Variants in IQCM observed in about 807,000 individuals in gnomAD.
IQCM encodes IQ domain-containing protein M.
Under a neutral mutation model 57.6 loss-of-function variants are expected in IQCM, and 45 were observed. That is an observed-to-expected ratio of 0.78 (90% CI 0.62 to 1.00). IQCM has a LOEUF of 1.00. Among genes scored for constraint, IQCM ranks in the 50% least tolerant of loss-of-function variants. The probability of loss-of-function intolerance (pLI) is 0.00; values close to 1 mark genes in which losing one functional copy is unlikely to be tolerated. For missense variants in IQCM, 468 were observed against 511.6 expected, an observed-to-expected ratio of 0.91 and a Z score of 0.82; for synonymous variants, 148 against 158.9, an observed-to-expected ratio of 0.93 and a Z score of 0.51.
chr4:149,773,074 G>A (rs370376144), intron 2 of IQCM, among the ~76,000 whole-genome samples: 24 of 152,158 alleles, frequency 1.6e-4, no homozygotes, highest in Middle Eastern at 3.2e-3. Flanking sequence ...ACTATCGGCC[G>A]GGCGTGGTGG....
intron 12 of IQCM, among the ~76,000 whole-genome samples, chr4:149,539,695 T>C (rs754532686): frequency 2.8e-4 from 43 of 152,108 alleles, no homozygotes; most frequent in South Asian, 1.7e-3. Context: ...ACCCCGTCTC[T>C]ACTAAAAGAA....
At chr4:149,646,358 T>C (rs527668593) in intron 7 of IQCM, among the ~76,000 whole-genome samples, 7 of 151,980 alleles carry the variant, frequency 4.6e-5, no homozygotes, top group Admixed American at 2.6e-4. Flanking sequence ...GAATGCATCA[T>C]GGATTCTTGA....
intron 5 of IQCM, among the ~76,000 whole-genome samples, chr4:149,725,801 C>G (rs929404608): frequency 2.0e-5 from 3 of 152,106 alleles, no homozygotes; most frequent in Non-Finnish European, 4.4e-5. Context: ...ATCTTTCATC[C>G]TTCCTCGAAC....
chr4:149,708,624 G>A (rs1764335936), intron 5 of IQCM, among the ~76,000 whole-genome samples: 1 of 151,960 alleles, frequency 6.6e-6, no homozygotes, highest in Non-Finnish European at 1.5e-5. Context: ...TCATTTTCCA[G>A]TGAGGTAAAC....
intron 7 of IQCM, among the ~76,000 whole-genome samples, chr4:149,624,156 G>GTA (rs2150079267): frequency 6.6e-6 from 1 of 152,106 alleles, no homozygotes; most frequent in Non-Finnish European, 1.5e-5. Context: ...AAGTGTGTGT[G>GTA]TGTGTGTGTG....
At chr4:149,501,977 T>A (rs1053906540) in intron 12 of IQCM, among the ~76,000 whole-genome samples, 2 of 152,146 alleles carry the variant, frequency 1.3e-5, no homozygotes, top group Admixed American at 6.5e-5. Flanking sequence ...CTGCTTGAAC[T>A]TCCTATAACT....
At chr4:149,451,608 G>A (rs1737130020) in intron 12 of IQCM, among the ~76,000 whole-genome samples, 1 of 151,690 alleles carries the variant, frequency 6.6e-6, no homozygotes, top group Admixed American at 6.6e-5. Context: ...GCAATTGATA[G>A]AAAATTAATC....
chr4:149,600,630 A>G (rs1364748660), intron 8 of IQCM, among the ~76,000 whole-genome samples: 2 of 152,154 alleles, frequency 1.3e-5, no homozygotes, highest in Admixed American at 6.5e-5. Flanking sequence ...ACAGCTGCCT[A>G]TCAAAGGCAC....
chr4:149,381,948 A>G (rs900908315), intron 13 of IQCM, among the ~76,000 whole-genome samples: 1 of 151,918 alleles, frequency 6.6e-6, no homozygotes, highest in African/African-American at 2.4e-5. Context: ...CTAATTTTGC[A>G]TTTTTAGTAG....
chr4:149,441,103 G>A (rs904018798), intron 12 of IQCM, among the ~76,000 whole-genome samples: 3 of 152,116 alleles, frequency 2.0e-5, no homozygotes, highest in Non-Finnish European at 4.4e-5. Context: ...CCAAGATAAA[G>A]TATATTTTAA....
At chr4:149,569,714 T>A (rs1488971202) in intron 9 of IQCM, among the ~76,000 whole-genome samples, 1 of 152,080 alleles carries the variant, frequency 6.6e-6, no homozygotes, top group East Asian at 1.9e-4. Flanking sequence ...TCAGTTTAGT[T>A]TAAACTGACA....
chr4:149,398,867 T>C (rs1194196965), intron 13 of IQCM, among the ~76,000 whole-genome samples: 1 of 151,866 alleles, frequency 6.6e-6, no homozygotes, highest in Non-Finnish European at 1.5e-5. Flanking sequence ...TCACCATGCA[T>C]GGCTAGTTTT....
chr4:149,394,091 T>C (rs970332100), intron 13 of IQCM, among the ~76,000 whole-genome samples: 1 of 152,056 alleles, frequency 6.6e-6, no homozygotes, highest in African/African-American at 2.4e-5. Flanking sequence ...AATGCCATAC[T>C]TACTTCAATT....
intron 7 of IQCM, chr4:149,666,214 C>A (rs1189061380): frequency 6.6e-6 from 1 of 152,182 alleles, no homozygotes; most frequent in Non-Finnish European, 1.5e-5. Context: ...GTGATTTTTC[C>A]AACTGAGGTA....
intron 12 of IQCM, among the ~76,000 whole-genome samples, chr4:149,493,870 G>T (rs954122130): frequency 8.1e-6 from 1 of 123,572 alleles, no homozygotes; most frequent in East Asian, 2.3e-4. Context: ...ACAGGGAAAG[G>T]AATCTGGAAA....
intron 5 of IQCM, among the ~76,000 whole-genome samples, chr4:149,687,879 G>A (rs953868359): frequency 2.0e-5 from 3 of 151,886 alleles, no homozygotes; most frequent in Non-Finnish European, 2.9e-5. Flanking sequence ...TGCAGAAAAA[G>A]CATTTGACAA....
intron 8 of IQCM, among the ~76,000 whole-genome samples, chr4:149,589,604 A>C (rs1372216929): frequency 6.6e-6 from 1 of 151,964 alleles, no homozygotes; most frequent in African/African-American, 2.4e-5. Flanking sequence ...AGTAAGTGTT[A>C]ATTTCATTTC....
At chr4:149,804,418 G>T (rs1037362164) in intron 2 of IQCM, among the ~76,000 whole-genome samples, 2 of 152,096 alleles carry the variant, frequency 1.3e-5, no homozygotes, top group Non-Finnish European at 2.9e-5. Context: ...TCTAGCAGCA[G>T]TTTCCACTGC....
At chr4:149,354,990 T>C (rs891613169) in intron 13 of IQCM, among the ~76,000 whole-genome samples, 10 of 152,102 alleles carry the variant, frequency 6.6e-5, no homozygotes, top group African/African-American at 1.9e-4. Flanking sequence ...TCTGTAAAAG[T>C]AGAATAATGA....
Sources: allele counts gnomAD v4.1 joint callset (sites outside exome capture counted in the v4.1 genomes callset), GRCh38; gene constraint gnomAD v4.1.1; transcripts MANE v1.5; gene names NCBI Gene and HGNC (gene_info 2026-07-23, HGNC 2026-07-21).